DACH1: variants seen among roughly 807,000 people sequenced by gnomAD.
The protein encoded by DACH1 is dachshund family transcription factor 1.
DACH1 carries 12 observed loss-of-function variants against 54.2 expected under a neutral mutation model. The observed-to-expected ratio is 0.22, with a 90% CI of 0.14 to 0.36. The LOEUF (loss-of-function observed/expected upper bound fraction) is 0.36, where lower values mean the gene tolerates loss of function less well. Among genes scored for constraint, DACH1 ranks in the 10% least tolerant of loss-of-function variants. The pLI, the probability that DACH1 is intolerant of heterozygous loss-of-function variation, is 1.00. For synonymous variants in DACH1, 386 were observed against 366.2 expected (o/e 1.05, Z -0.62); for missense variants, 805 against 929.8 (o/e 0.87, Z 1.75).
intron 2 of DACH1, among the ~76,000 whole-genome samples, chr13:71,679,172 TGA>T (rs1171393424): frequency 6.6e-6 from 1 of 152,168 alleles, no homozygotes; most frequent in Non-Finnish European, 1.5e-5. Context: ...ACTTTAAAAA[TGA>T]AAGACCAAAT....
rs149703931 is a variant in DACH1 at position 71,475,562 on chromosome 13, G to A, written c.2014+144C>T. On this transcript the variant is annotated intron_variant, in intron 9 of 10. Transcript: ENST00000613252. ...TAAAATAAGGCATTTTCCCCAACAC[G>A]TTCTTCCCACCCTGCTTTCAGCTTC... 25 of 1,013,860 alleles carry A rather than the reference G, an allele frequency of 2.5e-5. No individual in the cohort carries two copies. The Admixed American group carries it at 4.9e-4, about 20-fold the overall frequency. The allele number at this position is 1,013,860 out of a possible 1,614,324, so 62.8% of individuals were successfully genotyped here. A position where few individuals can be genotyped will look rare whatever the true frequency, so the allele number is the denominator to read the frequency against.
chr13:71,818,524 T>C (rs948059689), intron 1 of DACH1, among the ~76,000 whole-genome samples: 4 of 152,208 alleles, frequency 2.6e-5, no homozygotes, highest in East Asian at 1.9e-4. Flanking sequence ...GAAGTCACTG[T>C]AGGTTGTTAA....
rs762132369 is a variant in DACH1, at chr13:71,864,174, C to CAT, written c.848+1747_848+1748insAT. On this transcript the variant is annotated intron_variant, in intron 1 of 10. Coordinates refer to ENST00000613252, the MANE Select transcript of DACH1 (RefSeq NM_080759.6). ...CTGTCCATACTTTTGAGCGCGCGCG[C>CAT]GCACATACACACACACACACACACA... is the stretch of plus-strand genomic sequence containing the variant. Among the ~76,000 whole-genome samples the CAT allele has an allele frequency of 4.4e-3, 532 of 119,988 alleles. 2 individuals are homozygous for CAT. Among genetic ancestry groups the CAT allele is most frequent in the East Asian group, 0.029 (74 of 2,560 alleles). The allele number at this position is 119,988 out of a possible 152,430, so 78.7% of individuals were successfully genotyped here.
At chr13:71,480,895 T>C (rs924641607) in intron 7 of DACH1, among the ~76,000 whole-genome samples, 1 of 152,132 alleles carries the variant, frequency 6.6e-6, no homozygotes, top group African/African-American at 2.4e-5. Context: ...CCTGGTATAA[T>C]TCTTGTGATA....
At chr13:71,837,837 A>C (rs1888858317) in intron 1 of DACH1, among the ~76,000 whole-genome samples, 1 of 150,396 alleles carries the variant, frequency 6.6e-6, no homozygotes, top group Admixed American at 6.6e-5. Flanking sequence ...AAAAATGATG[A>C]GTTCATGTCC....
intron 1 of DACH1, among the ~76,000 whole-genome samples, chr13:71,710,250 A>C (rs1289270318): frequency 6.6e-6 from 1 of 152,180 alleles, no homozygotes; most frequent in East Asian, 1.9e-4. Context: ...TAAATACATT[A>C]ATAAATTGAT....
At chr13:71,846,685 A>G (rs575395459) in intron 1 of DACH1, among the ~76,000 whole-genome samples, 44 of 152,344 alleles carry the variant, frequency 2.9e-4, no homozygotes, top group African/African-American at 1.0e-3. Flanking sequence ...GAATAGGACA[A>G]TATAATAGGA....
intron 6 of DACH1, among the ~76,000 whole-genome samples, chr13:71,524,082 T>C (rs1034360314): frequency 2.6e-5 from 4 of 152,148 alleles, no homozygotes; most frequent in South Asian, 2.1e-4. Context: ...ACAAGTCTAA[T>C]TGAACTAAAA....
intron 1 of DACH1, among the ~76,000 whole-genome samples, chr13:71,798,719 A>C (rs1887164138): frequency 6.6e-6 from 1 of 152,066 alleles, no homozygotes; most frequent in Admixed American, 6.6e-5. Context: ...AATTTGCAGA[A>C]ATCCCTGCCA....
chr13:71,552,993 C>A (rs1883983776), intron 6 of DACH1, among the ~76,000 whole-genome samples: 1 of 147,548 alleles, frequency 6.8e-6, no homozygotes, highest in Non-Finnish European at 1.5e-5. Flanking sequence ...ACCAGCCTGG[C>A]CAACATCGTG....
chr13:71,486,802 ATTT>A (rs4053566), intron 7 of DACH1, among the ~76,000 whole-genome samples: 3,065 of 27,788 alleles, frequency 0.11, 52 homozygotes, highest in Non-Finnish European at 0.2. Context: ...TAATTAATTT[ATTT>A]ATTTATTTAT....
intron 3 of DACH1, among the ~76,000 whole-genome samples, chr13:71,626,547 G>A (rs1302736102): frequency 6.6e-6 from 1 of 151,972 alleles, no homozygotes; most frequent in Admixed American, 6.6e-5. Context: ...TGGCCTGTAT[G>A]TTGTGGATAG....
At chr13:71,489,379 T>TG (rs1878804174) in intron 6 of DACH1, among the ~76,000 whole-genome samples, 1 of 152,164 alleles carries the variant, frequency 6.6e-6, no homozygotes, top group Non-Finnish European at 1.5e-5. Flanking sequence ...CTAATGAGAC[T>TG]GAGTTTACAG....
chr13:71,622,419 CA>C lies in DACH1; in HGVS notation c.1126+8136del, dbSNP rs552556948. 3.7e-3 allele frequency among the ~76,000 whole-genome samples: 564 copies of C among 151,708 alleles called. 10 individuals carry two copies. The highest frequency in any genetic ancestry group is 5.1e-3 in the Non-Finnish European group (346 of 67,804). On this transcript the variant is annotated intron_variant, in intron 3 of 10. Coordinates refer to ENST00000613252, the MANE Select transcript of DACH1 (RefSeq NM_080759.6). ...TTAGCAAACATTATATTTTATAAAA[CA>C]AAGTTAAATATTTATTTTAATCCCT...
In DACH1 at chr13:71,638,953, C is replaced by T. The variant is rs1050675069; in HGVS notation, c.965-8236G>A. Among the ~76,000 whole-genome samples the T allele has an allele frequency of 4.6e-5, 7 of 152,226 alleles. No homozygotes were observed. In the South Asian group the frequency reaches 1.4e-3, roughly 32 times the overall value. On this transcript the variant is annotated intron_variant, in intron 2 of 10. Coordinates refer to ENST00000613252, the MANE Select transcript of DACH1 (RefSeq NM_080759.6). ...GCATAGTTCAATTCAACAGTCATTA[C>T]TGTGAAGTAATCTTTCTGCTCCTGA...
chr13:71,452,405 G>A (rs998470800), intron 10 of DACH1, among the ~76,000 whole-genome samples: 1 of 152,066 alleles, frequency 6.6e-6, no homozygotes, highest in South Asian at 2.1e-4. Context: ...TGGGATTAAA[G>A]ACATGAGCCA....
chr13:71,724,054 A>T (rs545798209), intron 1 of DACH1, among the ~76,000 whole-genome samples: 2 of 152,232 alleles, frequency 1.3e-5, no homozygotes, highest in South Asian at 4.1e-4. Flanking sequence ...CAATTCTTAG[A>T]TTAGTCTGAA....
intron 3 of DACH1, among the ~76,000 whole-genome samples, chr13:71,582,900 T>C (rs1202823765): frequency 6.6e-6 from 1 of 152,048 alleles, no homozygotes; most frequent in African/African-American, 2.4e-5. Flanking sequence ...TACAGATAAT[T>C]TTATTTTTAC....
chr13:71,746,002 G>A lies in DACH1; in HGVS notation c.849-64092C>T, dbSNP rs1277799258. 3.9e-5 allele frequency among the ~76,000 whole-genome samples: 6 copies of A among 152,264 alleles called. No homozygotes were observed. In the South Asian group the frequency reaches 8.3e-4, roughly 21 times the overall value. On this transcript the variant is annotated intron_variant, in intron 1 of 10. Transcript: ENST00000613252. Reference sequence around the variant, plus strand: ...TCGGAGGCCAACGCGGGTGGATCACGAGGTCAAGAGATCGAGACCATCCTG... The same window carrying A: ...TCGGAGGCCAACGCGGGTGGATCACAAGGTCAAGAGATCGAGACCATCCTG...
Sources: gnomAD v4.1 joint callset for allele counts (sites outside exome capture counted in the v4.1 genomes callset) on GRCh38, gnomAD v4.1.1 for gene constraint, MANE v1.5 for transcripts, NCBI Gene and HGNC (gene_info 2026-07-23, HGNC 2026-07-21) for gene names.